The following LIG4 variants were observed in gnomAD, a reference collection of about 807,000 sequenced individuals.
The protein encoded by LIG4 is DNA ligase 4, also known as DNA joinase.
A neutral mutation model predicts 19.0 loss-of-function variants in LIG4; 13 were observed. That is an observed-to-expected ratio of 0.68 (90% confidence interval 0.44 to 1.09). The LOEUF (loss-of-function observed/expected upper bound fraction) is 1.09, where lower values mean the gene tolerates loss of function less well. Among genes scored for constraint, LIG4 ranks in the 50% least tolerant of loss-of-function variants. LIG4 has a pLI of 0.00. For missense variants in LIG4, 1,026 were observed against 1,089.7 expected (o/e 0.94, Z 0.82); for synonymous variants, 361 against 358.2 (o/e 1.01, Z -0.09).
At position 108,209,948 on chromosome 13, in the gene LIG4, C is replaced by T. The variant is rs781701054; in HGVS notation, c.1321G>A (p.Asp441Asn). ...TTTAACCACCCTTCACCTCTTTTGT[C>T]TGGCTTGTAGATGGATAGAGGTTGT... is the stretch of plus-strand genomic sequence containing the variant. Reference protein sequence around the residue: ...VKQPLSIYKPDKRGEGWLKIK... With the variant: ...VKQPLSIYKPNKRGEGWLKIK... The change falls in exon 3 of 3, where the codon GAC becomes AAC. Residue 441 changes from aspartate (D) to asparagine (N), a missense_variant. Physicochemically the swap from Asp to Asn is conservative, Grantham distance 23 (BLOSUM62 1). Around this residue, in one of 3 missense-constraint regions of LIG4, gnomAD observed 493 missense variants for 544.5 expected, o/e 0.91. Coordinates refer to ENST00000442234, the MANE Select transcript of LIG4 (RefSeq NM_206937.2). The T allele has an allele frequency of 5.0e-6, 8 of 1,613,784 alleles. No individual in the cohort carries two copies. Among genetic ancestry groups the T allele is most frequent in the Admixed American group, 3.3e-5 (2 of 60,006 alleles).
At position 108,210,785 on chromosome 13, in the gene LIG4, T is replaced by C. The variant is rs1878571096; in HGVS notation, c.484A>G (p.Lys162Glu). The change falls in exon 3 of 3, where the codon AAA becomes GAA. Residue 162 changes from lysine (K) to glutamate (E), a missense_variant. Lys to Glu is a moderately conservative substitution (Grantham distance 56, BLOSUM62 1). This residue lies in a region of LIG4 where 493 missense variants were observed against 544.5 expected (regional missense o/e 0.91). Coordinates refer to ENST00000442234, the MANE Select transcript of LIG4 (RefSeq NM_206937.2). ...CTCTTTTTTATTAGGTCTTTTCTTTTAGCAGAATTATTGCTGGCAATTGAG... is the reference window on the plus strand; with the variant it reads ...CTCTTTTTTATTAGGTCTTTTCTTTCAGCAGAATTATTGCTGGCAATTGAG... ...LDSIASNNSA[K>E]RKDLIKKSLL... 1 of 1,613,932 alleles carries C rather than the reference T, an allele frequency of 6.2e-7. No homozygotes were observed. Among genetic ancestry groups the C allele is most frequent in the South Asian group, 1.1e-5 (1 of 91,086 alleles).
chr13:108,214,261 C>T (rs3093742), intron 2 of LIG4, among the ~76,000 whole-genome samples: 4,593 of 152,272 alleles, frequency 0.03, 235 homozygotes, highest in African/African-American at 0.1. Context: ...GGGTTTACAG[C>T]TGCCTATCTT....
At position 108,208,978 on chromosome 13, in the gene LIG4, C is replaced by T; in HGVS notation, c.2291G>A (p.Ser764Asn). The T allele has an allele frequency of 1.2e-6, 2 of 1,614,162 alleles. No homozygotes were observed. Among genetic ancestry groups the T allele is most frequent in the Non-Finnish European group, 1.7e-6 (2 of 1,180,014 alleles). ...GTTCAAGTCTGTATCAATGAAATAA[C>T]TATCACCATAGCAATCATATTCACG... ...FAREYDCYGDSYFIDTDLNQL... is the reference protein window; with the variant it reads ...FAREYDCYGDNYFIDTDLNQL... Residue 764 changes from serine (S) to asparagine (N), a missense_variant, in exon 3 of 3, where the codon AGT (serine) becomes AAT (asparagine). Coordinates refer to ENST00000442234, the MANE Select transcript of LIG4 (RefSeq NM_206937.2).
chr13:108,210,650 A>G lies in LIG4; in HGVS notation c.619T>C (p.Phe207Leu). 12 of 1,613,812 alleles carry G rather than the reference A, an allele frequency of 7.4e-6. No individual in the cohort carries two copies. Among genetic ancestry groups the G allele is most frequent in the Non-Finnish European group, 1.0e-5 (12 of 1,179,958 alleles). ...GVSQQTIFSVFHNDAAELHNV... is the reference protein window; with the variant it reads ...GVSQQTIFSVLHNDAAELHNV... ...TGCAACTCAGCAGCATCATTATGAAAAACAGAAAAGATAGTTTGCTGACTA... is the reference window on the plus strand; with the variant it reads ...TGCAACTCAGCAGCATCATTATGAAGAACAGAAAAGATAGTTTGCTGACTA... The change falls in exon 3 of 3, where the codon TTT (phenylalanine) becomes CTT (leucine). Residue 207 changes from phenylalanine to leucine, a missense_variant. Physicochemically the swap from Phe to Leu is conservative, Grantham distance 22. This residue lies in a region of LIG4 where 493 missense variants were observed against 544.5 expected (regional missense o/e 0.91). Transcript: ENST00000442234.
chr13:108,208,627 G>T lies in LIG4; in HGVS notation c.2642C>A (p.Thr881Asn), dbSNP rs771148408. ...TAGGATTTTAAACTTTCTCTTAAAA[G>T]TTCTTCTAAAAGCTTTAAAATCTGC... ...RVADFKAFRRTFKRKFKILKE... is the reference protein window; with the variant it reads ...RVADFKAFRRNFKRKFKILKE... Residue 881 changes from threonine (T) to asparagine (N), a missense_variant, in exon 3 of 3, where the codon ACT (threonine) becomes AAT (asparagine). By Grantham distance (65) the Thr-to-Asn change is moderately conservative. Coordinates refer to ENST00000442234, the MANE Select transcript of LIG4 (RefSeq NM_206937.2). 4.3e-6 allele frequency: 7 copies of T among 1,613,064 alleles called. No individual in the cohort carries two copies. Among genetic ancestry groups the T allele is most frequent in the Admixed American group, 3.3e-5 (2 of 59,946 alleles).
At chr13:108,211,507 T>C (rs3093760) in intron 2 of LIG4, among the ~76,000 whole-genome samples, 2 of 152,198 alleles carry the variant, frequency 1.3e-5, no homozygotes, top group Non-Finnish European at 2.9e-5. Context: ...TTATGAAAAG[T>C]ATCATCAGCT....
At chr13:108,217,575 T>C (rs962578085), upstream of LIG4, among the ~76,000 whole-genome samples, 1 of 150,776 alleles carries the variant, frequency 6.6e-6, no homozygotes, top group Non-Finnish European at 1.5e-5. Flanking sequence ...CGGGCACCTG[T>C]AATCCCAGCT....
intron 2 of LIG4, among the ~76,000 whole-genome samples, chr13:108,213,955 C>A (rs971821567): frequency 1.3e-5 from 2 of 151,986 alleles, no homozygotes; most frequent in Admixed American, 1.3e-4. Context: ...AAAATATTAA[C>A]GAGATAAAAA....
rs1353355999 is a variant in LIG4, at chr13:108,209,291, C to A, written c.1978G>T (p.Glu660Ter). Residue 660 changes from glutamate to a stop codon, truncating the protein, a stop_gained, in exon 3 of 3, where the codon GAA becomes TAA. Coordinates refer to ENST00000442234, the MANE Select transcript of LIG4 (RefSeq NM_206937.2). LOFTEE classifies it low-confidence loss of function (END_TRUNC). ...TNVNKISNIF[E>*]DVEFCVMSGT... ...CTCATAACACAAAACTCTACATCTT[C>A]AAATATATTAGAAATTTTGTTAACG... 1 of 1,614,072 alleles carries A rather than the reference C, an allele frequency of 6.2e-7. No individual in the cohort carries two copies. The highest frequency in any genetic ancestry group is 8.5e-7 in the Non-Finnish European group (1 of 1,179,978).
At position 108,208,919 on chromosome 13, in the gene LIG4, A is replaced by C. The variant is rs1222044458; in HGVS notation, c.2350T>G (p.Ser784Ala). 6.2e-7 allele frequency: 1 copy of C among 1,614,180 alleles called. No homozygotes were observed. The highest frequency in any genetic ancestry group is 1.1e-5 in the South Asian group (1 of 91,088). ...ATTTCTTCAGGAGTCTGCTCGTTAG[A>C]ATTTTTAATTCCTGAGAATACTTCC... ...LKEVFSGIKN[S>A]NEQTPEEMAS... Residue 784 changes from serine (S) to alanine (A), a missense_variant, in exon 3 of 3, where the codon TCT becomes GCT. Ser to Ala is a moderately conservative substitution (Grantham distance 99, BLOSUM62 1). Coordinates refer to ENST00000442234, the MANE Select transcript of LIG4 (RefSeq NM_206937.2).
chr13:108,211,236 T>C lies in LIG4; in HGVS notation c.33A>G (p.Ala11=), dbSNP rs748718655. The change falls in exon 3 of 3, where the codon GCA becomes GCG. Residue 11 remains alanine (A), a synonymous_variant. Coordinates refer to ENST00000442234, the MANE Select transcript of LIG4 (RefSeq NM_206937.2). ...ACAAATCTGCAAAAGGAACGTGAGA[T>C]GCAACAGTTTGTGAAGTTTGTGAGG... MAASQTSQTV[A]SHVPFADLCS... is the part of the protein sequence containing the mutation. 4.0e-5 allele frequency: 65 copies of C among 1,612,816 alleles called. No homozygotes were observed. The highest frequency in any genetic ancestry group is 4.0e-4 in the Admixed American group (24 of 60,004).
rs1307623377 is a variant in LIG4 at position 108,209,685 on chromosome 13, AG to A, written c.1583del (p.Pro528LeufsTer57). ...TGCTTGGTGGAGCTTTTCTATGAAA[AG>A]GCTTCCAATACTTGGCCAATTTCAA... ...LGLKLAKYWK[P>X]FHRKAPPSSI... On this transcript the variant is annotated frameshift_variant, in exon 3 of 3. Transcript: ENST00000442234. LOFTEE classifies it low-confidence loss of function (END_TRUNC). 4.3e-6 allele frequency: 7 copies of A among 1,613,978 alleles called. No individual in the cohort carries two copies. Among genetic ancestry groups the A allele is most frequent in the Non-Finnish European group, 5.9e-6 (7 of 1,180,018 alleles).
chr13:108,215,751 C>T (rs1879257407), upstream of LIG4, among the ~76,000 whole-genome samples: 1 of 151,732 alleles, frequency 6.6e-6, no homozygotes, highest in Admixed American at 6.6e-5. Flanking sequence ...TCTCTGCAAG[C>T]AGTTGATCCA....
rs1878508514 is a variant in LIG4, at chr13:108,210,377, A to G, written c.892T>C (p.Tyr298His). Residue 298 changes from tyrosine to histidine, a missense_variant, in exon 3 of 3, where the codon TAC becomes CAC. By Grantham distance (83) the Tyr-to-His change is moderately conservative. This residue lies in a region of LIG4 where 493 missense variants were observed against 544.5 expected (regional missense o/e 0.91). Transcript: ENST00000442234. The part of the protein sequence containing the change: ...YKYFSRNGYN[Y>H]TDQFGASPTE... ...GGAGAAGCACCAAACTGATCAGTGTAGTTATATCCATTTCGAGAGAAGTAT... is the reference window on the plus strand; with the variant it reads ...GGAGAAGCACCAAACTGATCAGTGTGGTTATATCCATTTCGAGAGAAGTAT... 24 of 1,613,928 alleles carry G rather than the reference A, an allele frequency of 1.5e-5. No homozygotes were observed. Among genetic ancestry groups the G allele is most frequent in the Non-Finnish European group, 1.9e-5 (23 of 1,179,932 alleles).
At position 108,210,401 on chromosome 13, in the gene LIG4, A is replaced by T. The variant is rs1204276470; in HGVS notation, c.868T>A (p.Tyr290Asn). Residue 290 changes from tyrosine to asparagine, a missense_variant, in exon 3 of 3, where the codon TAC (tyrosine) becomes AAC (asparagine). Around this residue, in one of 3 missense-constraint regions of LIG4, gnomAD observed 493 missense variants for 544.5 expected, o/e 0.91. Coordinates refer to ENST00000442234, the MANE Select transcript of LIG4 (RefSeq NM_206937.2). ...QMHKDGDVYK[Y>N]FSRNGYNYTD... is the part of the protein sequence containing the mutation. Reference sequence around the variant, plus strand: ...TAGTTATATCCATTTCGAGAGAAGTATTTATATACATCTCCATCTTTGTGC... The same window carrying T: ...TAGTTATATCCATTTCGAGAGAAGTTTTTATATACATCTCCATCTTTGTGC... The T allele has an allele frequency of 5.6e-6, 9 of 1,613,586 alleles. No individual in the cohort carries two copies. The highest frequency in any genetic ancestry group is 7.6e-6 in the Non-Finnish European group (9 of 1,179,928).
At chr13:108,215,595 A>G (rs1879236830), upstream of LIG4, 2 of 150,658 alleles carry the variant, frequency 1.3e-5, no homozygotes, top group Admixed American at 1.3e-4. Context: ...CCTTGCAGTC[A>G]CCGGGCTCAA....
rs1878089442 is a variant in LIG4, at chr13:108,207,930, T to C, written c.*603A>G. On this transcript the variant is annotated 3_prime_UTR_variant, in exon 3 of 3. Coordinates refer to ENST00000442234, the MANE Select transcript of LIG4 (RefSeq NM_206937.2). ...AATTCAATTTTAAGTTTTTAGATCA[T>C]TAAGTCTCATACAACTTCCTCTAAT... The C allele has an allele frequency of 6.6e-6, 1 of 152,040 alleles. No homozygotes were observed. Among genetic ancestry groups the C allele is most frequent in the Non-Finnish European group, 1.5e-5 (1 of 67,960 alleles). 9.4% of individuals were successfully genotyped at this position (152,040 alleles called of 1,614,324 possible). A position where few individuals can be genotyped will look rare whatever the true frequency, so the allele number is the denominator to read the frequency against.
chr13:108,211,959 G>A (rs867791972), intron 2 of LIG4, among the ~76,000 whole-genome samples: 81 of 151,994 alleles, frequency 5.3e-4, no homozygotes, highest in African/African-American at 1.9e-3. Context: ...ACCAGCATTC[G>A]ATTCCAACTC....
chr13:108,209,715 C>G lies in LIG4; in HGVS notation c.1554G>C (p.Leu518=). ...TCCAATACTTGGCCAATTTCAAACC[C>G]AGATCATACAGTTCTTTCATGGTGC... ...SGCTMKELYD[L]GLKLAKYWKP... is the part of the protein sequence containing the mutation. Residue 518 remains leucine, a synonymous_variant, in exon 3 of 3, where the codon CTG becomes CTC. Transcript: ENST00000442234. 6.2e-7 allele frequency: 1 copy of G among 1,614,094 alleles called. No individual in the cohort carries two copies.
Sources: gnomAD v4.1 joint callset for allele counts (sites outside exome capture counted in the v4.1 genomes callset) on GRCh38, gnomAD v4.1.1 for gene constraint, gnomAD v4.1.1 regional missense constraint, MANE v1.5 for transcripts, NCBI Gene and HGNC (gene_info 2026-07-23, HGNC 2026-07-21) for gene names.